Variants in FAM151B observed in about 807,000 individuals in gnomAD.
The protein encoded by FAM151B is protein FAM151B.
A neutral mutation model predicts 31.2 loss-of-function variants in FAM151B; 24 were observed. That is an observed-to-expected ratio of 0.77 (90% CI 0.56 to 1.08). The LOEUF (loss-of-function observed/expected upper bound fraction) is 1.08, where lower values mean the gene tolerates loss of function less well. Ranked by LOEUF, FAM151B falls within the 50% of genes least tolerant of loss-of-function variation. The probability of loss-of-function intolerance (pLI) is 0.00; values close to 1 mark genes in which losing one functional copy is unlikely to be tolerated. For missense variants in FAM151B, 293 were observed against 328.6 expected, an observed-to-expected ratio of 0.89 and a Z score of 0.84; for synonymous variants, 105 against 111.4, an observed-to-expected ratio of 0.94 and a Z score of 0.36.
In FAM151B at chr5:80,501,655, ACTAT is replaced by A. The variant is rs558714833; in HGVS notation, c.26-120_26-117del. ...TTTGCTTCATTATAGTAACCTTTTT[ACTAT>A]CTATCTATCTATCTATATATATATA... On this transcript the variant is annotated intron_variant, in intron 1 of 5. Transcript: ENST00000282226. 1.9e-3 allele frequency: 1,077 copies of A among 578,830 alleles called. 15 individuals carry two copies. Among genetic ancestry groups the A allele is most frequent in the South Asian group, 0.016 (550 of 33,432 alleles). The allele number at this position is 578,830 out of a possible 1,614,324, so 35.9% of individuals were successfully genotyped here.
At chr5:80,535,753 C>CTTT (rs1443377586) in intron 5 of FAM151B, among the ~76,000 whole-genome samples, 5 of 152,112 alleles carry the variant, frequency 3.3e-5, no homozygotes, top group African/African-American at 1.2e-4. Context: ...CACATCAAGT[C>CTTT]ATAAAGCTTC....
intron 1 of FAM151B, among the ~76,000 whole-genome samples, chr5:80,499,149 A>T (rs910907961): frequency 2.0e-5 from 3 of 152,234 alleles, no homozygotes; most frequent in Non-Finnish European, 4.4e-5. Context: ...TGTTTGAAGC[A>T]TGAACAAGGA....
At chr5:80,526,675 T>C (rs1001704491) in intron 5 of FAM151B, among the ~76,000 whole-genome samples, 3 of 152,164 alleles carry the variant, frequency 2.0e-5, no homozygotes, top group African/African-American at 7.2e-5. Context: ...AAAAAATTTA[T>C]TCTCTTCAAA....
intron 1 of FAM151B, chr5:80,499,735 TTATATA>T (rs1743674930): frequency 6.6e-6 from 1 of 151,504 alleles, no homozygotes; most frequent in South Asian, 2.1e-4. Flanking sequence ...TATAACATGT[TTATATA>T]TATTATATAC....
In FAM151B at chr5:80,509,399, G is replaced by A. The variant is rs150938681; in HGVS notation, c.152-4205G>A. Among the ~76,000 whole-genome samples, 798 of 152,190 alleles carry A rather than the reference G, an allele frequency of 5.2e-3. 4 individuals carry two copies. The highest frequency in any genetic ancestry group is 0.018 in the African/African-American group (743 of 41,516). ...GACTTTGGAAAGTGGGTGTTCTCTC[G>A]CTCCGCCTTCCACCAGATGAAAATG... is the stretch of plus-strand genomic sequence containing the variant. On this transcript the variant is annotated intron_variant, in intron 2 of 5. Transcript: ENST00000282226.
chr5:80,530,081 A>G (rs2112661402), intron 5 of FAM151B, among the ~76,000 whole-genome samples: 1 of 152,366 alleles, frequency 6.6e-6, no homozygotes, highest in East Asian at 1.9e-4. Context: ...CTGGTTCAAC[A>G]TATACAAATC....
rs1744750258 is a variant in FAM151B at position 80,522,145 on chromosome 5, A to G, written c.671+7A>G. ...TGTTAAAGAAATCAAACAGGTATGT[A>G]ATAGTTTAACAAATGTGTATGTGAG... On this transcript the variant is annotated splice_region_variant and intron_variant, in intron 5 of 5. Transcript: ENST00000282226. 1 of 1,610,174 alleles carries G rather than the reference A, an allele frequency of 6.2e-7. No homozygotes were observed. The highest frequency in any genetic ancestry group is 8.5e-7 in the Non-Finnish European group (1 of 1,176,910).
At chr5:80,525,685 A>T (rs989006824) in intron 5 of FAM151B, among the ~76,000 whole-genome samples, 2 of 152,134 alleles carry the variant, frequency 1.3e-5, no homozygotes, top group East Asian at 1.9e-4. Flanking sequence ...GCTGACGTAC[A>T]CTATCACATT....
intron 5 of FAM151B, 52 bp downstream of exon 5, chr5:80,522,190 TAGAA>T: frequency 6.5e-7 from 1 of 1,529,978 alleles, no homozygotes; most frequent in Non-Finnish European, 8.9e-7. Flanking sequence ...GAGACAGAGA[TAGAA>T]AGGGCATGAA....
At chr5:80,516,335 T>C (rs1380414598) in intron 3 of FAM151B, among the ~76,000 whole-genome samples, 1 of 152,040 alleles carries the variant, frequency 6.6e-6, no homozygotes, top group African/African-American at 2.4e-5. Context: ...AAAAAAAAAG[T>C]ATTATATTTT....
intron 1 of FAM151B, among the ~76,000 whole-genome samples, chr5:80,496,653 A>G (rs565379736): frequency 6.6e-4 from 101 of 152,280 alleles, no homozygotes; most frequent in African/African-American, 2.3e-3. Context: ...TGGCTCATCT[A>G]TTCTAACAGA....
At chr5:80,488,350 G>C (rs1743191124) in intron 1 of FAM151B, among the ~76,000 whole-genome samples, 1 of 152,248 alleles carries the variant, frequency 6.6e-6, no homozygotes, top group African/African-American at 2.4e-5. Flanking sequence ...TTGGTTTGCC[G>C]GGTGGGCTCT....
chr5:80,538,499 CT>C lies in FAM151B; in HGVS notation c.672-3171del, dbSNP rs779579066. ...CTTTCTTTCTTTCCTTCCTTCCTTC[CT>C]TTCTTTTCTTTCTTTCCTTCCTTCC... On this transcript the variant is annotated intron_variant, in intron 5 of 5. Transcript: ENST00000282226. Among the ~76,000 whole-genome samples the C allele has an allele frequency of 5.6e-3, 635 of 112,922 alleles. 29 individuals carry two copies. The highest frequency in any genetic ancestry group is 9.8e-3 in the Middle Eastern group (2 of 204). 74.1% of individuals were successfully genotyped at this position (112,922 alleles called of 152,430 possible). A position where few individuals can be genotyped will look rare whatever the true frequency, so the allele number is the denominator to read the frequency against.
intron 3 of FAM151B, among the ~76,000 whole-genome samples, chr5:80,515,112 G>A (rs764743109): frequency 1.3e-5 from 2 of 151,850 alleles, no homozygotes; most frequent in Admixed American, 6.6e-5. Context: ...ATGGTGGTGC[G>A]CACCTGTAAT....
intron 5 of FAM151B, among the ~76,000 whole-genome samples, chr5:80,533,749 C>CAA (rs71601590): frequency 0.14 from 9,661 of 67,446 alleles, 1,236 homozygotes; most frequent in Middle Eastern, 0.26. Flanking sequence ...GACTCCATCT[C>CAA]AAAAAAAAAA....
intron 1 of FAM151B, among the ~76,000 whole-genome samples, chr5:80,494,357 G>A (rs1485658123): frequency 1.3e-5 from 2 of 152,322 alleles, no homozygotes; most frequent in East Asian, 1.9e-4. Flanking sequence ...AGAAGCTACA[G>A]CAAGTGATCC....
chr5:80,536,665 ATAGAT>A (rs1377472364), intron 5 of FAM151B, among the ~76,000 whole-genome samples: 18 of 152,230 alleles, frequency 1.2e-4, no homozygotes, highest in African/African-American at 3.9e-4. Flanking sequence ...CAACAGATGA[ATAGAT>A]TAAAGTATAT....
At chr5:80,538,774 T>A (rs1297741802) in intron 5 of FAM151B, among the ~76,000 whole-genome samples, 1 of 151,708 alleles carries the variant, frequency 6.6e-6, no homozygotes. Context: ...TTTTTTTTTA[T>A]CTTTAGTGGA....
chr5:80,512,451 T>C (rs1178393755), intron 2 of FAM151B, among the ~76,000 whole-genome samples: 2 of 152,210 alleles, frequency 1.3e-5, no homozygotes, highest in African/African-American at 2.4e-5. Flanking sequence ...TGTTCTGCCA[T>C]GTTTTCATAG....
Sources: gnomAD v4.1 joint callset for allele counts (sites outside exome capture counted in the v4.1 genomes callset) on GRCh38, gnomAD v4.1.1 for gene constraint, MANE v1.5 for transcripts, NCBI Gene and HGNC (gene_info 2026-07-23, HGNC 2026-07-21) for gene names.